Variants in RPH3A observed in about 807,000 individuals in gnomAD.
RPH3A encodes the protein rabphilin-3A.
RPH3A carries 48 observed loss-of-function variants against 102.2 expected under a neutral mutation model. That is an observed-to-expected ratio of 0.47 (90% CI 0.37 to 0.60). The LOEUF is 0.60. Among genes scored for constraint, RPH3A ranks in the 20% least tolerant of loss-of-function variants. The pLI is 0.00. For synonymous variants in RPH3A, 310 were observed against 324.3 expected, an observed-to-expected ratio of 0.96 and a Z score of 0.47; for missense variants, 781 against 910.1, an observed-to-expected ratio of 0.86 and a Z score of 1.83.
At chr12:112,691,173 C>T (rs1448512319) in intron 1 of RPH3A, among the ~76,000 whole-genome samples, 3 of 152,132 alleles carry the variant, frequency 2.0e-5, no homozygotes, top group Non-Finnish European at 4.4e-5. Flanking sequence ...TACAGGCGCC[C>T]GCCACCACGC....
At chr12:112,674,149 CT>C (rs1024403833) in intron 1 of RPH3A, among the ~76,000 whole-genome samples, 1 of 152,174 alleles carries the variant, frequency 6.6e-6, no homozygotes, top group Non-Finnish European at 1.5e-5. Flanking sequence ...CCTCAAACTC[CT>C]GGTCACAAGC....
At chr12:112,852,209 C>G (rs533449698) in intron 5 of RPH3A, among the ~76,000 whole-genome samples, 1 of 152,118 alleles carries the variant, frequency 6.6e-6, no homozygotes, top group South Asian at 2.1e-4. Flanking sequence ...ATTAGTCTGG[C>G]CTGAGCTCCT....
chr12:112,828,210 C>T, intron 2 of RPH3A, 91 bp from the exon 3 acceptor site: 2 of 842,648 alleles, frequency 2.4e-6, no homozygotes, highest in Non-Finnish European at 4.0e-6. Flanking sequence ...TCTTCTCTAT[C>T]CCACTGGGTG....
At chr12:112,819,226 C>G (rs1419576547) in intron 2 of RPH3A, among the ~76,000 whole-genome samples, 1 of 152,016 alleles carries the variant, frequency 6.6e-6, no homozygotes, top group African/African-American at 2.4e-5. Context: ...GTGCCTCAGC[C>G]TCTTGAGTAG....
chr12:112,860,010 G>A (rs562608513), intron 5 of RPH3A, among the ~76,000 whole-genome samples: 1 of 152,354 alleles, frequency 6.6e-6, no homozygotes, highest in Admixed American at 6.5e-5. Context: ...TGAGGGTAGA[G>A]AGCGTCTCCC....
At chr12:112,726,428 C>G (rs187038638) in intron 1 of RPH3A, among the ~76,000 whole-genome samples, 161 of 152,288 alleles carry the variant, frequency 1.1e-3, no homozygotes, top group African/African-American at 3.8e-3. Context: ...CATATATTAT[C>G]TGGTGGTGAA....
intron 1 of RPH3A, among the ~76,000 whole-genome samples, chr12:112,576,210 C>T (rs957620506): frequency 6.6e-6 from 1 of 152,186 alleles, no homozygotes; most frequent in Non-Finnish European, 1.5e-5. Flanking sequence ...TCCAGGCAGG[C>T]GGCTCCAGAG....
At chr12:112,786,006 G>A (rs2041047597) in intron 1 of RPH3A, among the ~76,000 whole-genome samples, 1 of 151,648 alleles carries the variant, frequency 6.6e-6, no homozygotes, top group Admixed American at 6.6e-5. Flanking sequence ...CATCCTGGCT[G>A]CTTCAGGAGA....
At chr12:112,810,610 C>T (rs545784871) in intron 2 of RPH3A, among the ~76,000 whole-genome samples, 1 of 152,292 alleles carries the variant, frequency 6.6e-6, no homozygotes, top group South Asian at 2.1e-4. Context: ...GGAACCAGGT[C>T]GAAATGTACC....
intron 1 of RPH3A, among the ~76,000 whole-genome samples, chr12:112,677,455 T>C (rs145573994): frequency 2.4e-5 from 3 of 126,650 alleles, no homozygotes; most frequent in African/African-American, 6.2e-5. Flanking sequence ...CCTTCCTTCC[T>C]TCCTTCCTTC....
intron 1 of RPH3A, among the ~76,000 whole-genome samples, chr12:112,617,316 T>C (rs947500467): frequency 2.0e-5 from 3 of 152,148 alleles, no homozygotes; most frequent in African/African-American, 7.2e-5. Context: ...GGCAGTATAA[T>C]TAATCCCAGG....
intron 2 of RPH3A, among the ~76,000 whole-genome samples, chr12:112,797,696 A>ATTT (rs553608207): frequency 6.8e-6 from 1 of 146,668 alleles, no homozygotes; most frequent in Non-Finnish European, 1.5e-5. Flanking sequence ...GAAAAAAAAA[A>ATTT]TTTTTTTTTT....
intron 1 of RPH3A, among the ~76,000 whole-genome samples, chr12:112,599,521 C>T (rs1430015918): frequency 6.6e-6 from 1 of 151,954 alleles, no homozygotes; most frequent in East Asian, 1.9e-4. Flanking sequence ...TTGACCCTGC[C>T]CTGGGCACAG....
At chr12:112,785,191 C>T (rs1452963900) in intron 1 of RPH3A, among the ~76,000 whole-genome samples, 2 of 149,574 alleles carry the variant, frequency 1.3e-5, no homozygotes, top group African/African-American at 4.9e-5. Flanking sequence ...CATTGAACTC[C>T]AGCCTGGACA....
At chr12:112,782,454 G>A (rs530444535) in intron 1 of RPH3A, among the ~76,000 whole-genome samples, 1 of 152,246 alleles carries the variant, frequency 6.6e-6, no homozygotes, top group East Asian at 1.9e-4. Context: ...TCTCCTTGGA[G>A]GAAGTGACCT....
At chr12:112,715,992 T>A (rs760261544) in intron 1 of RPH3A, among the ~76,000 whole-genome samples, 1 of 152,216 alleles carries the variant, frequency 6.6e-6, no homozygotes, top group Non-Finnish European at 1.5e-5. Context: ...TATAGGATAA[T>A]TTCCTGATAT....
intron 1 of RPH3A, among the ~76,000 whole-genome samples, chr12:112,670,866 G>A (rs767308963): frequency 5.3e-5 from 8 of 152,134 alleles, no homozygotes; most frequent in Non-Finnish European, 1.2e-4. Flanking sequence ...AACAAGACAC[G>A]AGGCCAGCCC....
chr12:112,825,338 T>C (rs2041848767), intron 2 of RPH3A, among the ~76,000 whole-genome samples: 1 of 152,092 alleles, frequency 6.6e-6, no homozygotes, highest in South Asian at 2.1e-4. Context: ...CCCCTCCGGT[T>C]TCTCACACAC....
At chr12:112,777,233 A>C (rs1304343896) in intron 1 of RPH3A, among the ~76,000 whole-genome samples, 3 of 152,212 alleles carry the variant, frequency 2.0e-5, no homozygotes, top group Non-Finnish European at 4.4e-5. Flanking sequence ...TACAGGAGGC[A>C]CTCAGCAAAT....
Sources: allele counts gnomAD v4.1 joint callset (sites outside exome capture counted in the v4.1 genomes callset), GRCh38; gene constraint gnomAD v4.1.1; transcripts MANE v1.5; gene names NCBI Gene and HGNC (gene_info 2026-07-23, HGNC 2026-07-21).